The following NXPH1 variants were observed in gnomAD, a reference collection of about 807,000 sequenced individuals.
NXPH1 encodes the protein neurexophilin-1.
NXPH1 carries 5 observed loss-of-function variants against 23.7 expected under a neutral mutation model. The observed-to-expected ratio is 0.21, with a 90% CI of 0.11 to 0.44. The LOEUF (loss-of-function observed/expected upper bound fraction) is 0.44, where lower values mean the gene tolerates loss of function less well. NXPH1 is among the 20% of genes least tolerant of loss of function. The pLI is 0.99. For missense variants in NXPH1, 324 were observed against 321.6 expected (o/e 1.01, Z -0.06); for synonymous variants, 144 against 122.2 (o/e 1.18, Z -1.18).
chr7:8,468,675 T>G (rs1563319266), intron 2 of NXPH1, among the ~76,000 whole-genome samples: 1 of 152,052 alleles, frequency 6.6e-6, no homozygotes, highest in Non-Finnish European at 1.5e-5. Context: ...CTTTGGAAAG[T>G]TCAAAGCTTG....
At chr7:8,515,361 G>A (rs758528987) in intron 2 of NXPH1, among the ~76,000 whole-genome samples, 3 of 152,060 alleles carry the variant, frequency 2.0e-5, no homozygotes, top group Non-Finnish European at 4.4e-5. Flanking sequence ...ACATGGTACT[G>A]TATGCTGCTC....
chr7:8,710,177 G>A (rs12702770), intron 2 of NXPH1, among the ~76,000 whole-genome samples: 56,513 of 152,058 alleles, frequency 0.37, 10,652 homozygotes, highest in East Asian at 0.5. Context: ...GGGTGTTTGA[G>A]CTCTTGATTA....
intron 2 of NXPH1, among the ~76,000 whole-genome samples, chr7:8,448,251 G>C (rs1816439628): frequency 6.6e-6 from 1 of 152,170 alleles, no homozygotes; most frequent in African/African-American, 2.4e-5. Flanking sequence ...GTATTCTAAA[G>C]AGCTTAGAAA....
chr7:8,615,254 G>A (rs1819710750), intron 2 of NXPH1, among the ~76,000 whole-genome samples: 1 of 152,070 alleles, frequency 6.6e-6, no homozygotes, highest in Non-Finnish European at 1.5e-5. Context: ...GTTATTGACT[G>A]TCCCTGCAGG....
chr7:8,462,490 C>T (rs1482697985), intron 2 of NXPH1, among the ~76,000 whole-genome samples: 1 of 152,144 alleles, frequency 6.6e-6, no homozygotes, highest in Non-Finnish European at 1.5e-5. Flanking sequence ...GGAGAAAAAA[C>T]TGAAGGATAC....
intron 2 of NXPH1, among the ~76,000 whole-genome samples, chr7:8,513,998 G>A (rs995075437): frequency 1.3e-5 from 2 of 152,004 alleles, no homozygotes; most frequent in Admixed American, 6.6e-5. Flanking sequence ...TCTTCTCCCT[G>A]TTTCTCTTCA....
intron 2 of NXPH1, among the ~76,000 whole-genome samples, chr7:8,676,490 T>C (rs1444403120): frequency 6.4e-4 from 6 of 9,304 alleles, no homozygotes; most frequent in African/African-American, 2.7e-3. Context: ...AATTTTCTGT[T>C]TGTATATTAT....
chr7:8,597,063 G>A (rs1819242294), intron 2 of NXPH1, among the ~76,000 whole-genome samples: 1 of 152,050 alleles, frequency 6.6e-6, no homozygotes, highest in African/African-American at 2.4e-5. Context: ...TGGGCAAAGT[G>A]GGGATGGTCA....
At chr7:8,664,671 T>C (rs1202191699) in intron 2 of NXPH1, among the ~76,000 whole-genome samples, 1 of 152,080 alleles carries the variant, frequency 6.6e-6, no homozygotes, top group African/African-American at 2.4e-5. Context: ...TTCTTTTTTC[T>C]CACCTCGTCA....
At chr7:8,654,379 CTGTT>C (rs1225997987) in intron 2 of NXPH1, among the ~76,000 whole-genome samples, 1 of 152,160 alleles carries the variant, frequency 6.6e-6, no homozygotes, top group African/African-American at 2.4e-5. Context: ...TGAAAATGAT[CTGTT>C]TGTAGAAGGC....
rs958384993 is a variant in NXPH1, at chr7:8,445,467, A to G, written c.54+9700A>G. On this transcript the variant is annotated intron_variant, in intron 2 of 2. Coordinates refer to ENST00000405863, the MANE Select transcript of NXPH1 (RefSeq NM_152745.3). ...TCTGCCTCCCTGCCTCTAACCCACC[A>G]CAATGCATAAATTTACACATAGTGT... Among the ~76,000 whole-genome samples the G allele has an allele frequency of 3.6e-4, 55 of 152,216 alleles. 1 individual carries two copies. The highest frequency in any genetic ancestry group is 1.2e-3 in the African/African-American group (48 of 41,448).
chr7:8,695,690 T>C (rs1821297700), intron 2 of NXPH1, among the ~76,000 whole-genome samples: 1 of 152,208 alleles, frequency 6.6e-6, no homozygotes, highest in African/African-American at 2.4e-5. Context: ...TTTTGTGCCA[T>C]AGTTAAACGT....
At chr7:8,617,215 T>G (rs6967686) in intron 2 of NXPH1, among the ~76,000 whole-genome samples, 1 of 151,792 alleles carries the variant, frequency 6.6e-6, no homozygotes, top group Non-Finnish European at 1.5e-5. Flanking sequence ...TTGAGAAACT[T>G]TGTTTTAGAG....
At chr7:8,731,483 T>C (rs1476536844) in intron 2 of NXPH1, among the ~76,000 whole-genome samples, 1 of 152,216 alleles carries the variant, frequency 6.6e-6, no homozygotes, top group Non-Finnish European at 1.5e-5. Flanking sequence ...TATCTACTTT[T>C]GGTCTTTGAT....
At chr7:8,491,742 C>T (rs1401085166) in intron 2 of NXPH1, among the ~76,000 whole-genome samples, 4 of 152,060 alleles carry the variant, frequency 2.6e-5, no homozygotes, top group African/African-American at 9.7e-5. Flanking sequence ...TCAAGTCTTG[C>T]TACCAGCTCA....
At chr7:8,737,735 T>G (rs537496296) in intron 2 of NXPH1, among the ~76,000 whole-genome samples, 50 of 152,348 alleles carry the variant, frequency 3.3e-4, no homozygotes, top group Non-Finnish European at 6.3e-4. Context: ...GTTTTCCAAC[T>G]TGTTTCCATT....
At chr7:8,452,460 T>C (rs1816523501) in intron 2 of NXPH1, among the ~76,000 whole-genome samples, 1 of 152,180 alleles carries the variant, frequency 6.6e-6, no homozygotes, top group South Asian at 2.1e-4. Context: ...GGTTCCTTGA[T>C]AGGCTAGAAT....
intron 2 of NXPH1, among the ~76,000 whole-genome samples, chr7:8,486,365 A>C: frequency 6.6e-6 from 1 of 152,180 alleles, no homozygotes; most frequent in Non-Finnish European, 1.5e-5. Flanking sequence ...TTTACCTTCC[A>C]AACTCAGTCT....
At chr7:8,545,088 T>C (rs1192357244) in intron 2 of NXPH1, among the ~76,000 whole-genome samples, 1 of 151,548 alleles carries the variant, frequency 6.6e-6, no homozygotes, top group African/African-American at 2.4e-5. Flanking sequence ...CAACATGTTA[T>C]CAAGCAGCTA....
Sources: gnomAD v4.1 joint callset for allele counts (sites outside exome capture counted in the v4.1 genomes callset) on GRCh38, gnomAD v4.1.1 for gene constraint, MANE v1.5 for transcripts, NCBI Gene and HGNC (gene_info 2026-07-23, HGNC 2026-07-21) for gene names.